Variants in TCF12 observed in about 807,000 individuals in gnomAD.
TCF12 encodes transcription factor 12.
TCF12 carries 45 observed loss-of-function variants against 86.0 expected under a neutral mutation model. That is an observed-to-expected ratio of 0.52 (90% CI 0.41 to 0.67). The LOEUF (loss-of-function observed/expected upper bound fraction) is 0.67, where lower values mean the gene tolerates loss of function less well. TCF12 is among the 30% of genes least tolerant of loss of function. The probability of loss-of-function intolerance (pLI) is 0.00; values close to 1 mark genes in which losing one functional copy is unlikely to be tolerated. For synonymous variants in TCF12, 330 were observed against 299.6 expected, an observed-to-expected ratio of 1.10 and a Z score of -1.05; for missense variants, 881 against 859.9, an observed-to-expected ratio of 1.02 and a Z score of -0.31.
intron 3 of TCF12, among the ~76,000 whole-genome samples, chr15:56,936,829 C>CTTATTAT (rs2060490142): frequency 6.6e-6 from 1 of 152,118 alleles, no homozygotes; most frequent in Non-Finnish European, 1.5e-5. Flanking sequence ...TTCCATTGGT[C>CTTATTAT]TGTGTGCTTA....
chr15:57,220,892 GA>G (rs1474278587), intron 8 of TCF12, among the ~76,000 whole-genome samples: 1 of 152,104 alleles, frequency 6.6e-6, no homozygotes, highest in African/African-American at 2.4e-5. Flanking sequence ...TGGGCTTAGT[GA>G]AGGGGGGGAG....
At chr15:56,997,085 A>G (rs1183590326) in intron 3 of TCF12, among the ~76,000 whole-genome samples, 1 of 152,186 alleles carries the variant, frequency 6.6e-6, no homozygotes, top group African/African-American at 2.4e-5. Context: ...AAGACCTGGG[A>G]GTTGAACTAC....
intron 5 of TCF12, among the ~76,000 whole-genome samples, chr15:57,128,841 G>A (rs189934726): frequency 2.0e-5 from 3 of 152,276 alleles, no homozygotes; most frequent in Non-Finnish European, 4.4e-5. Flanking sequence ...GGATTCATCT[G>A]TGTTATGTTA....
chr15:57,164,637 C>T (rs2054737758), intron 5 of TCF12, among the ~76,000 whole-genome samples: 1 of 152,062 alleles, frequency 6.6e-6, no homozygotes, highest in South Asian at 2.1e-4. Flanking sequence ...GAGGACACAG[C>T]CAAACCGTAT....
intron 5 of TCF12, among the ~76,000 whole-genome samples, chr15:57,143,157 CCA>C (rs1491219263): frequency 2.9e-5 from 4 of 136,762 alleles, no homozygotes; most frequent in African/African-American, 7.7e-5. Context: ...GTGCCCCCCC[CCA>C]CCAAAAAAAA....
At chr15:56,964,356 C>T (rs2061906276) in intron 3 of TCF12, among the ~76,000 whole-genome samples, 1 of 152,156 alleles carries the variant, frequency 6.6e-6, no homozygotes, top group Non-Finnish European at 1.5e-5. Flanking sequence ...AATAAATTCC[C>T]AGACTCTGTG....
intron 3 of TCF12, among the ~76,000 whole-genome samples, chr15:56,995,611 A>G (rs2063675318): frequency 6.6e-6 from 1 of 151,766 alleles, no homozygotes; most frequent in Middle Eastern, 3.2e-3. Context: ...CTCTTAGGTT[A>G]AATGTCACTG....
At chr15:56,942,694 T>TATAAAAGC (rs2060831517) in intron 3 of TCF12, among the ~76,000 whole-genome samples, 1 of 152,192 alleles carries the variant, frequency 6.6e-6, no homozygotes, top group Non-Finnish European at 1.5e-5. Context: ...GTGTAAATAG[T>TATAAAAGC]ATAAAAGCAT....
Position 57,271,402 on chromosome 15 carries a change from G to A in TCF12, c.1746-1628G>A, listed in dbSNP as rs528242118. On this transcript the variant is annotated intron_variant, in intron 18 of 20. Coordinates refer to ENST00000333725, the MANE Select transcript of TCF12 (RefSeq NM_207037.2). ...GCCTGGGACCCACCAGGCCAGGCAC[G>A]GGAGGGAATCTCCTGGTCTGCTGGT... is the stretch of plus-strand genomic sequence containing the variant. Among the ~76,000 whole-genome samples, 23 of 152,316 alleles carry A rather than the reference G, an allele frequency of 1.5e-4. No individual in the cohort carries two copies. The South Asian group carries it at 2.5e-3, about 16-fold the overall frequency.
intron 4 of TCF12, among the ~76,000 whole-genome samples, chr15:57,074,145 C>T (rs1233192955): frequency 6.6e-6 from 1 of 152,074 alleles, no homozygotes; most frequent in African/African-American, 2.4e-5. Context: ...TAGGATGAAT[C>T]AGACAGGTTT....
intron 14 of TCF12, 151 bp from the exon 15 acceptor site, chr15:57,252,270 C>A: frequency 1.8e-6 from 1 of 569,018 alleles, no homozygotes. Flanking sequence ...TGAATCCCAG[C>A]CTTTTCATAT....
At chr15:57,040,037 A>T (rs533082953) in intron 3 of TCF12, among the ~76,000 whole-genome samples, 15 of 151,936 alleles carry the variant, frequency 9.9e-5, no homozygotes, top group African/African-American at 3.4e-4. Flanking sequence ...CTTTTATCTC[A>T]CTTTCTTTCC....
intron 3 of TCF12, among the ~76,000 whole-genome samples, chr15:57,023,041 A>G (rs1202200732): frequency 6.6e-6 from 1 of 152,156 alleles, no homozygotes; most frequent in African/African-American, 2.4e-5. Flanking sequence ...TTTCTGTTGT[A>G]TAAGAGACAT....
chr15:57,140,750 CTG>C (rs1432996194), intron 5 of TCF12, among the ~76,000 whole-genome samples: 1 of 152,134 alleles, frequency 6.6e-6, no homozygotes, highest in African/African-American at 2.4e-5. Context: ...TTTGAGGAAA[CTG>C]ATGCTGAGAT....
intron 5 of TCF12, among the ~76,000 whole-genome samples, chr15:57,098,216 A>G (rs1355714996): frequency 1.3e-5 from 2 of 151,954 alleles, no homozygotes; most frequent in Non-Finnish European, 2.9e-5. Context: ...AAAAAAACAG[A>G]AAAAGAAACA....
rs181748979 is a variant in TCF12 at position 57,001,079 on chromosome 15, C to T, written c.149-62671C>T. ...TCACCCAGGCTGGAGTGCAGTGGCG[C>T]GATCTCGGCTCACTGCAACCTGTAC... On this transcript the variant is annotated intron_variant, in intron 3 of 20. Coordinates refer to ENST00000333725, the MANE Select transcript of TCF12 (RefSeq NM_207037.2). Among the ~76,000 whole-genome samples, 536 of 146,112 alleles carry T rather than the reference C, an allele frequency of 3.7e-3. 5 individuals carry two copies. Among genetic ancestry groups the T allele is most frequent in the African/African-American group, 0.013 (507 of 39,586 alleles).
chr15:57,011,903 A>G (rs2064855416), intron 3 of TCF12, among the ~76,000 whole-genome samples: 1 of 152,174 alleles, frequency 6.6e-6, no homozygotes, highest in Non-Finnish European at 1.5e-5. Flanking sequence ...CAGCTATGAA[A>G]ATGGATTTGG....
chr15:57,163,468 G>A (rs1326053279), intron 5 of TCF12, among the ~76,000 whole-genome samples: 1 of 152,188 alleles, frequency 6.6e-6, no homozygotes, highest in Non-Finnish European at 1.5e-5. Flanking sequence ...GGAAGGCTGA[G>A]GTAGGAGGGT....
At chr15:57,005,068 T>C (rs1254877050) in intron 3 of TCF12, among the ~76,000 whole-genome samples, 1 of 152,232 alleles carries the variant, frequency 6.6e-6, no homozygotes, top group Non-Finnish European at 1.5e-5. Context: ...TCTCTACTAC[T>C]ATTTTTAAGG....
Sources: gnomAD v4.1 joint callset for allele counts (sites outside exome capture counted in the v4.1 genomes callset) on GRCh38, gnomAD v4.1.1 for gene constraint, MANE v1.5 for transcripts, NCBI Gene and HGNC (gene_info 2026-07-23, HGNC 2026-07-21) for gene names.